KIF26B: variants seen among roughly 807,000 people sequenced by gnomAD.
KIF26B encodes the protein kinesin family member 26B, also known as kinesin-like protein KIF26B.
A neutral mutation model predicts 151.2 loss-of-function variants in KIF26B; 63 were observed. The ratio of observed to expected loss-of-function variants is 0.42; its 90% confidence interval spans 0.34 to 0.51. The LOEUF is 0.51. KIF26B is among the 20% of genes least tolerant of loss of function. The pLI, the probability that KIF26B is intolerant of heterozygous loss-of-function variation, is 0.07. For synonymous variants in KIF26B, 1,357 were observed against 1,262.1 expected (o/e 1.08, Z -1.59); for missense variants, 2,813 against 2,913.6 (o/e 0.97, Z 0.79).
At chr1:245,471,696 A>G (rs547233670) in intron 4 of KIF26B, among the ~76,000 whole-genome samples, 3 of 152,188 alleles carry the variant, frequency 2.0e-5, no homozygotes, top group Non-Finnish European at 4.4e-5. Context: ...TAATATACAT[A>G]TTAATCAATT....
intron 4 of KIF26B, among the ~76,000 whole-genome samples, chr1:245,431,128 A>G (rs1658766940): frequency 6.6e-6 from 1 of 152,222 alleles, no homozygotes; most frequent in South Asian, 2.1e-4. Context: ...AGACCAAAGT[A>G]GAGAATGGGT....
intron 2 of KIF26B, among the ~76,000 whole-genome samples, chr1:245,245,540 C>A (rs1314709455): frequency 2.0e-5 from 3 of 152,152 alleles, no homozygotes; most frequent in Non-Finnish European, 4.4e-5. Context: ...CCTCTAATCT[C>A]AGCACTTTGG....
At position 245,667,572 on chromosome 1, in the gene KIF26B, G is replaced by A. The variant is rs979512393; in HGVS notation, c.2259-16661G>A. On this transcript the variant is annotated intron_variant, in intron 10 of 14. Coordinates refer to ENST00000407071, the MANE Select transcript of KIF26B (RefSeq NM_018012.4). This position sits in a 1 kb window ranked among gnomAD's most constrained non-coding sequence, Gnocchi z 4.3. ...GGTTGGGAAGCTGGAGACTTCTTGT[G>A]ATGGAGAGGTACACCCAGTAGATAC... 6.6e-6 allele frequency among the ~76,000 whole-genome samples: 1 copy of A among 152,208 alleles called. No individual in the cohort carries two copies. The highest frequency in any genetic ancestry group is 1.5e-5 in the Non-Finnish European group (1 of 68,032).
rs112556526 is a variant in KIF26B, at chr1:245,344,560, T to C, written c.466-22274T>C. On this transcript the variant is annotated intron_variant, in intron 2 of 14. Transcript: ENST00000407071. The stretch of plus-strand genomic sequence containing the variant: ...GTACATGAATGTGGATAATGAGCTT[T>C]CCTGGCTGGAAAAGGGCAATCACTC... Among the ~76,000 whole-genome samples the C allele has an allele frequency of 5.1e-3, 766 of 151,440 alleles. 7 individuals are homozygous for C. The highest frequency in any genetic ancestry group is 0.011 in the African/African-American group (442 of 41,222).
At chr1:245,156,975 G>C (rs1668448835) in intron 2 of KIF26B, among the ~76,000 whole-genome samples, 1 of 152,158 alleles carries the variant, frequency 6.6e-6, no homozygotes, top group Non-Finnish European at 1.5e-5. Context: ...CTCTCCTGCC[G>C]CCCCCTCCCA....
chr1:245,240,432 C>T (rs561100108), intron 2 of KIF26B, among the ~76,000 whole-genome samples: 1 of 152,218 alleles, frequency 6.6e-6, no homozygotes, highest in South Asian at 2.1e-4. Context: ...TTTTCCATTT[C>T]ATAAGTCCTG....
chr1:245,355,006 T>C (rs926413447), intron 2 of KIF26B, among the ~76,000 whole-genome samples: 3 of 152,180 alleles, frequency 2.0e-5, no homozygotes, highest in East Asian at 1.9e-4. Context: ...CTGCAACCTA[T>C]GCCTTTCAGG....
In KIF26B at chr1:245,702,854, GA is replaced by G. The variant is rs2044790859; in HGVS notation, c.*253del. ...AGGGGTGTCCAAGCCCTGTGAGACTGAAAAAGCACTTTGAGGAACCTTAAAG... is the reference window on the plus strand; with the variant it reads ...AGGGGTGTCCAAGCCCTGTGAGACTGAAAAGCACTTTGAGGAACCTTAAAG... On this transcript the variant is annotated 3_prime_UTR_variant, in exon 15 of 15. Transcript: ENST00000407071. This position sits in a 1 kb window ranked among gnomAD's most constrained non-coding sequence, Gnocchi z 4.1. 4.7e-6 allele frequency: 2 copies of G among 421,602 alleles called. No individual in the cohort carries two copies. Among genetic ancestry groups the G allele is most frequent in the Non-Finnish European group, 8.4e-6 (2 of 238,568 alleles). 26.1% of individuals were successfully genotyped at this position (421,602 alleles called of 1,614,324 possible). A position where few individuals can be genotyped will look rare whatever the true frequency, so the allele number is the denominator to read the frequency against.
At chr1:245,414,793 A>G (rs952652222) in intron 3 of KIF26B, among the ~76,000 whole-genome samples, 1 of 152,236 alleles carries the variant, frequency 6.6e-6, no homozygotes, top group African/African-American at 2.4e-5. Context: ...GCTGACTACA[A>G]GTTTCTTTAT....
intron 10 of KIF26B, among the ~76,000 whole-genome samples, chr1:245,672,784 C>T (rs551691746): frequency 2.6e-5 from 4 of 152,108 alleles, no homozygotes; most frequent in Non-Finnish European, 5.9e-5. Context: ...ATTTAACCTC[C>T]CTTTCACCTT....
At chr1:245,559,127 G>T (rs193009666) in intron 5 of KIF26B, among the ~76,000 whole-genome samples, 1 of 152,114 alleles carries the variant, frequency 6.6e-6, no homozygotes, top group South Asian at 2.1e-4. Flanking sequence ...CAGAAGGATC[G>T]CTTGAGCCCA....
intron 4 of KIF26B, among the ~76,000 whole-genome samples, chr1:245,502,892 G>T (rs182221343): frequency 1.3e-5 from 2 of 148,288 alleles, no homozygotes; most frequent in Middle Eastern, 3.5e-3. Flanking sequence ...ATGGAGTTTC[G>T]CTCTTGTTGC....
chr1:245,168,045 C>T (rs2103520736), intron 2 of KIF26B, among the ~76,000 whole-genome samples: 1 of 152,314 alleles, frequency 6.6e-6, no homozygotes, highest in African/African-American at 2.4e-5. Context: ...GGGAGAATCA[C>T]CTAGCTGGCC....
intron 10 of KIF26B, among the ~76,000 whole-genome samples, chr1:245,661,839 C>CAT (rs56713646): frequency 2.6e-4 from 38 of 147,708 alleles, no homozygotes; most frequent in East Asian, 1.6e-3. Flanking sequence ...TTACACACAC[C>CAT]ATATATATAT....
intron 5 of KIF26B, among the ~76,000 whole-genome samples, chr1:245,547,246 C>T (rs1045900964): frequency 1.3e-5 from 2 of 152,164 alleles, no homozygotes; most frequent in African/African-American, 4.8e-5. Flanking sequence ...AGAATATTCT[C>T]CGTTAGAGGT....
chr1:245,249,573 C>T (rs1452615205), intron 2 of KIF26B, among the ~76,000 whole-genome samples: 2 of 150,976 alleles, frequency 1.3e-5, no homozygotes, highest in Non-Finnish European at 2.9e-5. Flanking sequence ...CTGCAACCTC[C>T]ACTTCCCGGG....
Position 245,358,467 on chromosome 1 carries a change from C to T in KIF26B, c.466-8367C>T, listed in dbSNP as rs1370686855. On this transcript the variant is annotated intron_variant, in intron 2 of 14. Transcript: ENST00000407071. The surrounding 1 kb of genome is among the most constrained non-coding windows in gnomAD (Gnocchi z 4.1). ...CCTGGGAGGCCGAGCTTGCAGTGAG[C>T]CGAGATCGCGCCACTGTACTCCAGC... Among the ~76,000 whole-genome samples, 2 of 152,150 alleles carry T rather than the reference C, an allele frequency of 1.3e-5. No individual in the cohort carries two copies. The highest frequency in any genetic ancestry group is 2.9e-5 in the Non-Finnish European group (2 of 68,032).
chr1:245,432,688 T>C (rs1658808392), intron 4 of KIF26B, among the ~76,000 whole-genome samples: 1 of 152,208 alleles, frequency 6.6e-6, no homozygotes, highest in African/African-American at 2.4e-5. Flanking sequence ...TTATAGAAAC[T>C]AAAGATGTGT....
intron 9 of KIF26B, among the ~76,000 whole-genome samples, chr1:245,639,102 C>T (rs1429884350): frequency 2.6e-5 from 4 of 151,808 alleles, no homozygotes; most frequent in Non-Finnish European, 5.9e-5. Flanking sequence ...TCCATCAGTT[C>T]CCTGGCTTCT....
Sources: gnomAD v4.1 joint callset for allele counts (sites outside exome capture counted in the v4.1 genomes callset) on GRCh38, gnomAD v4.1.1 for gene constraint, Gnocchi (gnomAD v3.1) non-coding constraint, MANE v1.5 for transcripts, NCBI Gene and HGNC (gene_info 2026-07-23, HGNC 2026-07-21) for gene names.